PRR16: variants seen among roughly 807,000 people sequenced by gnomAD.
The protein encoded by PRR16 is protein Largen.
In PRR16, 6 loss-of-function variants were observed where a neutral mutation model predicts 18.2. The ratio of observed to expected loss-of-function variants is 0.33; its 90% CI spans 0.18 to 0.65. PRR16 has a LOEUF of 0.65. Among genes scored for constraint, PRR16 ranks in the 30% least tolerant of loss-of-function variants. The pLI, the probability that PRR16 is intolerant of heterozygous loss-of-function variation, is 0.74. For synonymous variants in PRR16, 151 were observed against 147.8 expected (o/e 1.02, Z -0.16); for missense variants, 412 against 376.6 (o/e 1.09, Z -0.78).
chr5:120,566,147 G>A (rs970566858), intron 1 of PRR16, among the ~76,000 whole-genome samples: 2 of 152,158 alleles, frequency 1.3e-5, no homozygotes, highest in African/African-American at 4.8e-5. Context: ...TCCATAGTGA[G>A]TTCCTGATAA....
At chr5:120,712,856 C>T in the PRR16 span, among the ~76,000 whole-genome samples, 3 of 152,170 alleles carry the variant, frequency 2.0e-5, no homozygotes, top group African/African-American at 2.4e-5. Context: ...AAAAGGGAAC[C>T]TTTGCACACT....
intron 1 of PRR16, among the ~76,000 whole-genome samples, chr5:120,685,034 AT>A (rs1303710892): frequency 3.9e-5 from 6 of 151,988 alleles, no homozygotes; most frequent in African/African-American, 1.5e-4. Context: ...GGCCCAGATA[AT>A]TTTCTTTCCC....
chr5:120,498,009 C>G (rs73264180), intron 1 of PRR16, among the ~76,000 whole-genome samples: 2,330 of 151,296 alleles, frequency 0.015, 16 homozygotes, highest in Middle Eastern at 0.11. Context: ...TGTATTTAGG[C>G]TATTCACATT....
At chr5:120,608,453 T>C (rs112529578) in intron 1 of PRR16, among the ~76,000 whole-genome samples, 179 of 152,266 alleles carry the variant, frequency 1.2e-3, no homozygotes, top group African/African-American at 3.9e-3. Flanking sequence ...CAGAAGTGAA[T>C]AATGCAAAAC....
chr5:120,758,460 T>C, the PRR16 span, among the ~76,000 whole-genome samples: 2 of 152,146 alleles, frequency 1.3e-5, no homozygotes, highest in Non-Finnish European at 2.9e-5. Context: ...AAGCTTTGTT[T>C]TTACTTAGTT....
chr5:120,767,826 CAATACCCCTTCCA>C, the PRR16 span, among the ~76,000 whole-genome samples: 1 of 151,694 alleles, frequency 6.6e-6, no homozygotes. Flanking sequence ...ATCCCAATTC[CAATACCCCTTCCA>C]AATACAACTT....
the PRR16 span, among the ~76,000 whole-genome samples, chr5:120,766,732 T>G: frequency 9.6e-3 from 1,456 of 152,082 alleles, 12 homozygotes; most frequent in Non-Finnish European, 0.014. Context: ...ATACAATAGA[T>G]GATTATAAAC....
chr5:120,605,737 G>A (rs956810661), intron 1 of PRR16, among the ~76,000 whole-genome samples: 3 of 152,068 alleles, frequency 2.0e-5, no homozygotes, highest in African/African-American at 4.8e-5. Context: ...GATATCAGTT[G>A]GGTTTAGTTT....
chr5:120,548,381 GC>G (rs1446853657), intron 1 of PRR16, among the ~76,000 whole-genome samples: 2 of 152,178 alleles, frequency 1.3e-5, no homozygotes, highest in East Asian at 3.9e-4. Context: ...AGCTCAGCTA[GC>G]CTTTAGTTAC....
the PRR16 span, among the ~76,000 whole-genome samples, chr5:120,692,585 G>A: frequency 6.6e-6 from 1 of 152,178 alleles, no homozygotes; most frequent in African/African-American, 2.4e-5. Context: ...GAAATGGAAG[G>A]AGATGTGCAT....
chr5:120,488,091 A>T (rs1007921594), intron 1 of PRR16, among the ~76,000 whole-genome samples: 2 of 152,024 alleles, frequency 1.3e-5, no homozygotes, highest in Admixed American at 1.3e-4. Flanking sequence ...TTTATCAGGG[A>T]TATTGGTCTA....
the PRR16 span, among the ~76,000 whole-genome samples, chr5:120,759,121 C>T: frequency 2.6e-5 from 4 of 151,956 alleles, no homozygotes; most frequent in East Asian, 7.8e-4. Flanking sequence ...GGACTACAGG[C>T]ACCCGCCACC....
At chr5:120,694,656 G>T in the PRR16 span, among the ~76,000 whole-genome samples, 1 of 147,004 alleles carries the variant, frequency 6.8e-6, no homozygotes, top group Non-Finnish European at 1.5e-5. Flanking sequence ...CTGCACTCCA[G>T]CCTGGGCGAC....
intron 1 of PRR16, among the ~76,000 whole-genome samples, chr5:120,498,720 T>A (rs1750343678): frequency 1.3e-5 from 2 of 151,978 alleles, no homozygotes; most frequent in Non-Finnish European, 2.9e-5. Context: ...AGTTCTCTTA[T>A]TTTTTATTTG....
chr5:120,767,979 T>C, the PRR16 span, among the ~76,000 whole-genome samples: 1 of 151,864 alleles, frequency 6.6e-6, no homozygotes, highest in African/African-American at 2.4e-5. Context: ...TGTTTCTCAG[T>C]ATATTTACAG....
At chr5:120,678,039 A>C (rs1756860266) in intron 1 of PRR16, among the ~76,000 whole-genome samples, 1 of 150,856 alleles carries the variant, frequency 6.6e-6, no homozygotes, top group Non-Finnish European at 1.5e-5. Flanking sequence ...CCTCCCGAAT[A>C]GCTGGGACTA....
intron 1 of PRR16, among the ~76,000 whole-genome samples, chr5:120,595,732 A>G (rs906276101): frequency 2.0e-5 from 3 of 152,060 alleles, no homozygotes; most frequent in African/African-American, 7.2e-5. Context: ...CAGGGTCTTA[A>G]TAGAATTTGT....
chr5:120,622,518 C>T (rs1337186534), intron 1 of PRR16, among the ~76,000 whole-genome samples: 3 of 151,590 alleles, frequency 2.0e-5, no homozygotes, highest in Non-Finnish European at 2.9e-5. Flanking sequence ...CTTGCTATGT[C>T]GCCAGGCTGG....
chr5:120,489,315 G>A (rs1022586112), intron 1 of PRR16, among the ~76,000 whole-genome samples: 2 of 152,168 alleles, frequency 1.3e-5, no homozygotes, highest in Admixed American at 1.3e-4. Context: ...CTAAGGACTT[G>A]CCTTACGAAT....
Sources: gnomAD v4.1 joint callset for allele counts (sites outside exome capture counted in the v4.1 genomes callset) on GRCh38, gnomAD v4.1.1 for gene constraint, MANE v1.5 for transcripts, NCBI Gene and HGNC (gene_info 2026-07-23, HGNC 2026-07-21) for gene names.